The following ABCB6 variants were observed in gnomAD, a reference collection of about 807,000 sequenced individuals.
The protein encoded by ABCB6 is ATP-binding cassette sub-family B member 6.
Under a neutral mutation model 99.4 loss-of-function variants are expected in ABCB6, and 87 were observed. The observed-to-expected ratio is 0.88, with a 90% CI of 0.74 to 1.05. The LOEUF (loss-of-function observed/expected upper bound fraction) is 1.05. Among genes scored for constraint, ABCB6 ranks in the 50% least tolerant of loss-of-function variants. ABCB6 has a pLI of 0.00. For missense variants in ABCB6, 1,050 were observed against 1,097.9 expected, an observed-to-expected ratio of 0.96 and a Z score of 0.62; for synonymous variants, 482 against 447.5, an observed-to-expected ratio of 1.08 and a Z score of -0.97.
chr2:219,214,456 C>A lies in ABCB6; in HGVS notation c.1319G>T (p.Arg440Leu), dbSNP rs758314006. 6.2e-7 allele frequency: 1 copy of A among 1,614,024 alleles called. No individual in the cohort carries two copies. Among genetic ancestry groups the A allele is most frequent in the Non-Finnish European group, 8.5e-7 (1 of 1,180,042 alleles). The part of the protein sequence containing the change: ...VVTEWRTKFR[R>L]AMNTQENATR... ...AGCGTTCTCCTGTGTGTTCATAGCA[C>A]GACGAAACTTGGTTCTCCACTCAGT... is the stretch of plus-strand genomic sequence containing the variant. Residue 440 changes from arginine to leucine, a missense_variant, in exon 7 of 19, where the codon CGT (arginine) becomes CTT (leucine). By Grantham distance (102) the Arg-to-Leu change is moderately radical (BLOSUM62 -2). Transcript: ENST00000265316.
intron 14 of ABCB6, 61 bp from the exon 15 acceptor site, chr2:219,211,169 G>GCCCCAAGGCC (rs1950574857): frequency 6.3e-7 from 1 of 1,591,476 alleles, no homozygotes; most frequent in Non-Finnish European, 8.6e-7. Flanking sequence ...GGGAGGCAGG[G>GCCCCAAGGCC]TGGGCTGGCC....
rs1173195487 is a variant in ABCB6 at position 219,217,709 on chromosome 2, C to A, written c.648G>T (p.Leu216Phe). Reference protein sequence around the residue: ...APGLRPQSYTLQVHEEDQDVE... With the variant: ...APGLRPQSYTFQVHEEDQDVE... ...CATCTTGGTCCTCTTCATGAACCTGCAATGTATAGGACTGGGGACGAAGTC... is the reference window on the plus strand; with the variant it reads ...CATCTTGGTCCTCTTCATGAACCTGAAATGTATAGGACTGGGGACGAAGTC... Residue 216 changes from leucine (L) to phenylalanine (F), a missense_variant, in exon 2 of 19, where the codon TTG (leucine) becomes TTT (phenylalanine). Leu to Phe is a conservative substitution (Grantham distance 22). Transcript: ENST00000265316. The A allele has an allele frequency of 6.2e-7, 1 of 1,613,656 alleles. No individual in the cohort carries two copies. The highest frequency in any genetic ancestry group is 8.5e-7 in the Non-Finnish European group (1 of 1,179,824).
chr2:219,210,446 C>G lies in ABCB6; in HGVS notation c.2286G>C (p.Glu762Asp). ...TGGCCAGAGAAGCCTGGATGGCCCT[C>G]TCATTAGATGTATCCAGCGCTGACG... ...EATSALDTSN[E>D]RAIQASLAKV... Residue 762 changes from glutamate to aspartate, a missense_variant, in exon 17 of 19, where the codon GAG becomes GAC. Transcript: ENST00000265316. The G allele has an allele frequency of 6.2e-7, 1 of 1,614,208 alleles. No individual in the cohort carries two copies. Among genetic ancestry groups the G allele is most frequent in the African/African-American group, 1.3e-5 (1 of 75,066 alleles).
At chr2:219,215,518 A>T (rs965474268) in intron 5 of ABCB6, 1 of 174,182 alleles carries the variant, frequency 5.7e-6, no homozygotes, top group African/African-American at 2.4e-5. Flanking sequence ...AGGTGGGCAG[A>T]TCACATGATG....
Position 219,216,043 on chromosome 2 carries a change from G to T in ABCB6, c.1108C>A (p.Leu370Met). The change falls in exon 5 of 19, where the codon CTG becomes ATG. Residue 370 changes from leucine (L) to methionine (M), a missense_variant. By Grantham distance (15) the Leu-to-Met change is conservative. Transcript: ENST00000265316. This position sits in a 1 kb window ranked among gnomAD's most constrained non-coding sequence, Gnocchi z 4.2. ...GATGTGCCCCGATCCGCGATCCGCA[G>T]CACCTCCCCTGTGCGGCGCCCCAGG... ...WHLGRRTGEV[L>M]RIADRGTSSV... The T allele has an allele frequency of 6.2e-7, 1 of 1,606,756 alleles. No individual in the cohort carries two copies. Among genetic ancestry groups the T allele is most frequent in the Non-Finnish European group, 8.5e-7 (1 of 1,176,308 alleles).
chr2:219,210,804 G>T lies in ABCB6; in HGVS notation c.2163C>A (p.Gly721=). The T allele has an allele frequency of 6.2e-7, 1 of 1,613,808 alleles. No homozygotes were observed. The highest frequency in any genetic ancestry group is 8.5e-7 in the Non-Finnish European group (1 of 1,179,978). ...AFPEGYRTQV[G]ERGLKLSGGE... Reference sequence around the variant, plus strand: ...CGCCGCTCAGCTTCAGTCCCCGCTCGCCCACCTGTGTCCTGTACCCTGTGG... The same window carrying T: ...CGCCGCTCAGCTTCAGTCCCCGCTCTCCCACCTGTGTCCTGTACCCTGTGG... The change falls in exon 16 of 19, where the codon GGC becomes GGA. Residue 721 remains glycine, a synonymous_variant. Transcript: ENST00000265316.
At chr2:219,217,092 C>A (rs1294784559) in intron 2 of ABCB6, among the ~76,000 whole-genome samples, 1 of 152,214 alleles carries the variant, frequency 6.6e-6, no homozygotes, top group Non-Finnish European at 1.5e-5. Flanking sequence ...GGTGCAGTGG[C>A]TCATGCCTGT....
At position 219,210,768 on chromosome 2, in the gene ABCB6, CT is replaced by C; in HGVS notation, c.2198del (p.Gln733ArgfsTer48). The C allele has an allele frequency of 1.2e-6, 2 of 1,613,790 alleles. No homozygotes were observed. The highest frequency in any genetic ancestry group is 1.7e-6 in the Non-Finnish European group (2 of 1,180,016). ...GGATGGTGCGGGCAATGGCGACGCG[CT>C]GCTTCTCCCCGCCGCTCAGCTTCAG... ...RGLKLSGGEK[Q>X]RVAIARTILK... On this transcript the variant is annotated frameshift_variant, in exon 16 of 19. Transcript: ENST00000265316. LOFTEE classifies it high-confidence loss of function.
rs73993546 is a variant in ABCB6 at position 219,218,053 on chromosome 2, G to C, written c.549+72C>G. 28,537 of 1,511,868 alleles carry C rather than the reference G, an allele frequency of 0.019. 725 individuals are homozygous for C. The highest frequency in any genetic ancestry group is 0.11 in the East Asian group (4,841 of 43,910). The allele number at this position is 1,511,868 out of a possible 1,614,324, so 93.7% of individuals were successfully genotyped here. ...AGGCATCCTAAAGCCTGGAAGCAGT[G>C]TGACTGGACATGCAGTGCTTTCTCC... On this transcript the variant is annotated intron_variant, in intron 1 of 18. Coordinates refer to ENST00000265316, the MANE Select transcript of ABCB6 (RefSeq NM_005689.4).
chr2:219,209,907 A>T lies in ABCB6; in HGVS notation c.*31T>A. 1.3e-6 allele frequency: 2 copies of T among 1,488,746 alleles called. No homozygotes were observed. Among genetic ancestry groups the T allele is most frequent in the Non-Finnish European group, 1.9e-6 (2 of 1,065,570 alleles). 92.2% of individuals were successfully genotyped at this position (1,488,746 alleles called of 1,614,324 possible). On this transcript the variant is annotated 3_prime_UTR_variant, in exon 19 of 19. Transcript: ENST00000265316. ...GACACATCTTATTCCCTTCTGGGTT[A>T]GTCTTTGAGAGGGAAGTGGCCAAAC...
At position 219,210,286 on chromosome 2, in the gene ABCB6, C is replaced by G. The variant is rs1348423238; in HGVS notation, c.2364G>C (p.Val788=). ...TGACGAGGATCTGGTCAGCATTGACCACAGTTGAGAGCCTGAGAAGTCAAA... is the reference window on the plus strand; with the variant it reads ...TGACGAGGATCTGGTCAGCATTGACGACAGTTGAGAGCCTGAGAAGTCAAA... ...TIVVAHRLST[V]VNADQILVIK... is the part of the protein sequence containing the mutation. The change falls in exon 18 of 19, where the codon GTG becomes GTC. Residue 788 remains valine, a synonymous_variant. Transcript: ENST00000265316. 1 of 1,614,198 alleles carries G rather than the reference C, an allele frequency of 6.2e-7. No homozygotes were observed. The highest frequency in any genetic ancestry group is 1.7e-5 in the Admixed American group (1 of 60,020).
rs751835362 is a variant in ABCB6 at position 219,214,353 on chromosome 2, C to T, written c.1386+36G>A. ...TCCTGGTTACACTCCTCCACATCTCCACGCCTCACACCACTGCCACCGGGC... is the reference window on the plus strand; with the variant it reads ...TCCTGGTTACACTCCTCCACATCTCTACGCCTCACACCACTGCCACCGGGC... On this transcript the variant is annotated intron_variant, in intron 7 of 18. Coordinates refer to ENST00000265316, the MANE Select transcript of ABCB6 (RefSeq NM_005689.4). 1.1e-5 allele frequency: 18 copies of T among 1,566,646 alleles called. No homozygotes were observed. In the East Asian group the frequency reaches 3.1e-4, roughly 27 times the overall value.
rs1322035282 is a variant in ABCB6 at position 219,215,101 on chromosome 2, T to C, written c.1155-19A>G. The C allele has an allele frequency of 6.2e-7, 1 of 1,613,688 alleles. No homozygotes were observed. The highest frequency in any genetic ancestry group is 1.3e-5 in the African/African-American group (1 of 74,864). ...CAGGTAGCTAGGAGGGCAGGTCAAG[T>C]GAATAAGAAAGGTCTGGGGGCTTAG... On this transcript the variant is annotated intron_variant, in intron 5 of 18. Transcript: ENST00000265316.
chr2:219,211,921 G>A (rs1270663228), intron 14 of ABCB6, among the ~76,000 whole-genome samples: 3 of 151,958 alleles, frequency 2.0e-5, no homozygotes, highest in African/African-American at 4.8e-5. Flanking sequence ...CCGCCACCAC[G>A]CCCAGCAAAT....
At chr2:219,217,882 G>A in intron 1 of ABCB6, 75 bp from the exon 2 acceptor site, 1 of 1,552,152 alleles carries the variant, frequency 6.4e-7, no homozygotes, top group Non-Finnish European at 8.7e-7. Flanking sequence ...AATAGGGCCG[G>A]GGACTGGTGT....
rs1355263879 is a variant in ABCB6, at chr2:219,218,942, T to C, written c.-269A>G. On this transcript the variant is annotated 5_prime_UTR_variant, in exon 1 of 19. Coordinates refer to ENST00000265316, the MANE Select transcript of ABCB6 (RefSeq NM_005689.4). ...CTGGGCCCGGGACCCTCCTGCCAAC[T>C]GCAGGCCCACGGGAATGCTCGGTGT... 2.6e-5 allele frequency: 11 copies of C among 417,700 alleles called. No homozygotes were observed. Among genetic ancestry groups the C allele is most frequent in the South Asian group, 1.6e-4 (4 of 24,480 alleles). The allele number at this position is 417,700 out of a possible 1,614,324, so 25.9% of individuals were successfully genotyped here. A position where few individuals can be genotyped will look rare whatever the true frequency, so the allele number is the denominator to read the frequency against.
In ABCB6 at chr2:219,218,526, A is replaced by G. The variant is rs1269122346; in HGVS notation, c.148T>C (p.Cys50Arg). 2 of 1,610,880 alleles carry G rather than the reference A, an allele frequency of 1.2e-6. No homozygotes were observed. Among genetic ancestry groups the G allele is most frequent in the Non-Finnish European group, 1.7e-6 (2 of 1,179,088 alleles). ...CCAGCGGGCCGCTCCCGGCGTCTGCAGGGAAGAGCCAGCACCAAGGCCAGA... is the reference window on the plus strand; with the variant it reads ...CCAGCGGGCCGCTCCCGGCGTCTGCGGGGAAGAGCCAGCACCAAGGCCAGA... Reference protein sequence around the residue: ...GTLALVLALPCRRRERPAGAD... With the variant: ...GTLALVLALPRRRRERPAGAD... The change falls in exon 1 of 19, where the codon TGC becomes CGC. Residue 50 changes from cysteine (C) to arginine (R), a missense_variant. Coordinates refer to ENST00000265316, the MANE Select transcript of ABCB6 (RefSeq NM_005689.4).
rs1172032405 is a variant in ABCB6, at chr2:219,214,133, G to C, written c.1440C>G (p.Ile480Met). The C allele has an allele frequency of 1.2e-6, 2 of 1,614,054 alleles. No homozygotes were observed. Among genetic ancestry groups the C allele is most frequent in the African/African-American group, 1.3e-5 (1 of 74,922 alleles). Residue 480 changes from isoleucine to methionine, a missense_variant, in exon 8 of 19, where the codon ATC (isoleucine) becomes ATG (methionine). By Grantham distance (10) the Ile-to-Met change is conservative. Transcript: ENST00000265316. ...SYEVERYREA[I>M]IKYQGLEWKS... ...CTAGCATCCTCACCTGATATTTGATGATGGCCTCTCGATAGCGTTCCACTT... is the reference window on the plus strand; with the variant it reads ...CTAGCATCCTCACCTGATATTTGATCATGGCCTCTCGATAGCGTTCCACTT...
rs1950640229 is a variant in ABCB6 at position 219,216,236 on chromosome 2, C to G, written c.971-56G>C. The G allele has an allele frequency of 7.7e-6, 12 of 1,568,274 alleles. No homozygotes were observed. In the Admixed American group the frequency reaches 2.2e-4, roughly 28 times the overall value. On this transcript the variant is annotated intron_variant, in intron 4 of 18. Coordinates refer to ENST00000265316, the MANE Select transcript of ABCB6 (RefSeq NM_005689.4). The surrounding 1 kb of genome is among the most constrained non-coding windows in gnomAD (Gnocchi z 4.2). ...GCCTGGGAGCTGAGGGACGTCAGCC[C>G]AGCACCAGGATGTGAAAGGTCTGAG...
Sources: allele counts gnomAD v4.1 joint callset (sites outside exome capture counted in the v4.1 genomes callset), GRCh38; gene constraint gnomAD v4.1.1; non-coding constraint Gnocchi (gnomAD v3.1); transcripts MANE v1.5; gene names NCBI Gene and HGNC (gene_info 2026-07-23, HGNC 2026-07-21).